INVS: variants seen among roughly 807,000 people sequenced by gnomAD.
The protein encoded by INVS is inversion of embryo turning homolog.
Under a neutral mutation model 108.8 loss-of-function variants are expected in INVS, and 86 were observed. The ratio of observed to expected loss-of-function variants is 0.79; its 90% CI spans 0.66 to 0.95. The LOEUF is 0.95. INVS is among the 40% of genes least tolerant of loss of function. The probability of loss-of-function intolerance (pLI) is 0.00; values close to 1 mark genes in which losing one functional copy is unlikely to be tolerated. For missense variants in INVS, 1,169 were observed against 1,297.4 expected, an observed-to-expected ratio of 0.90 and a Z score of 1.52; for synonymous variants, 455 against 473.5, an observed-to-expected ratio of 0.96 and a Z score of 0.51.
chr9:100,159,509 T>G (rs568691196), intron 3 of INVS, among the ~76,000 whole-genome samples: 1 of 152,316 alleles, frequency 6.6e-6, no homozygotes, highest in South Asian at 2.1e-4. Context: ...CACAAAGCTA[T>G]TCCTGGAACA....
chr9:100,162,144 A>G (rs1331740306), intron 3 of INVS, among the ~76,000 whole-genome samples: 1 of 152,240 alleles, frequency 6.6e-6, no homozygotes, highest in African/African-American at 2.4e-5. Context: ...ACTAGAGTTC[A>G]GAAATGCAGT....
chr9:100,194,770 T>A (rs939652040), intron 3 of INVS, among the ~76,000 whole-genome samples: 3 of 152,182 alleles, frequency 2.0e-5, no homozygotes, highest in Non-Finnish European at 2.9e-5. Context: ...AGCTACTACC[T>A]CTGAGGCTTA....
At chr9:100,263,247 T>G (rs921214947) in intron 10 of INVS, among the ~76,000 whole-genome samples, 9 of 152,206 alleles carry the variant, frequency 5.9e-5, no homozygotes, top group African/African-American at 1.9e-4. Flanking sequence ...GTATTGCTGC[T>G]GTAACAAATT....
intron 14 of INVS, among the ~76,000 whole-genome samples, 182 bp downstream of exon 14, chr9:100,293,225 G>A (rs1162469208): frequency 6.6e-6 from 1 of 152,116 alleles, no homozygotes; most frequent in Non-Finnish European, 1.5e-5. Flanking sequence ...TAAACCATTT[G>A]GAAGATGTTT....
chr9:100,300,996 A>C lies in INVS; in HGVS notation c.*322A>C. 3.1e-6 allele frequency: 1 copy of C among 319,218 alleles called. No individual in the cohort carries two copies. The highest frequency in any genetic ancestry group is 2.1e-5 in the African/African-American group (1 of 46,734). The allele number at this position is 319,218 out of a possible 1,614,324, so 19.8% of individuals were successfully genotyped here. A position where few individuals can be genotyped will look rare whatever the true frequency, so the allele number is the denominator to read the frequency against. ...ATAATTAACAGCAAAATCTAAGGAA[A>C]ACTACGGCTGCTGGGTTGGGATTTC... On this transcript the variant is annotated 3_prime_UTR_variant, in exon 17 of 17. Coordinates refer to ENST00000262457, the MANE Select transcript of INVS (RefSeq NM_014425.5).
intron 3 of INVS, among the ~76,000 whole-genome samples, chr9:100,131,063 G>A (rs975270687): frequency 6.6e-6 from 1 of 151,958 alleles, no homozygotes; most frequent in African/African-American, 2.4e-5. Context: ...TTCATTAGTG[G>A]GAAAAGCTCA....
At chr9:100,264,465 A>C (rs1165028311) in intron 10 of INVS, among the ~76,000 whole-genome samples, 2 of 152,038 alleles carry the variant, frequency 1.3e-5, no homozygotes, top group Non-Finnish European at 2.9e-5. Context: ...TAAAAATACA[A>C]AAATTAGCTG....
At chr9:100,240,794 T>C (rs73655140) in intron 6 of INVS, among the ~76,000 whole-genome samples, 2,065 of 152,224 alleles carry the variant, frequency 0.014, 36 homozygotes, top group African/African-American at 0.048. Flanking sequence ...GGTCTTTTTT[T>C]TTCCTGCTAT....
At chr9:100,105,609 A>G (rs1260604381) in intron 2 of INVS, among the ~76,000 whole-genome samples, 1 of 152,240 alleles carries the variant, frequency 6.6e-6, no homozygotes, top group East Asian at 1.9e-4. Context: ...AGCTATCTAC[A>G]TTCACTGGAA....
In INVS at chr9:100,229,641, G is replaced by T. The variant is rs760646531; in HGVS notation, c.448-19G>T. On this transcript the variant is annotated intron_variant, in intron 4 of 16. Transcript: ENST00000262457. ...TTAGTTGTTACTGTTGTTATTTCGA[G>T]AACCTCTCGATTTTGCAGCAAACAG... The T allele has an allele frequency of 3.7e-6, 6 of 1,612,874 alleles. No homozygotes were observed. The highest frequency in any genetic ancestry group is 3.3e-5 in the Admixed American group (2 of 59,982).
At chr9:100,215,646 T>C (rs1291363833) in intron 3 of INVS, among the ~76,000 whole-genome samples, 1 of 152,212 alleles carries the variant, frequency 6.6e-6, no homozygotes, top group Admixed American at 6.5e-5. Context: ...GGTCAGACTA[T>C]AGAAGGTCTA....
chr9:100,216,088 C>T (rs1830976737), intron 3 of INVS, among the ~76,000 whole-genome samples: 2 of 152,126 alleles, frequency 1.3e-5, no homozygotes, highest in East Asian at 1.9e-4. Flanking sequence ...CTTACTGTTA[C>T]TGTGGGTATC....
intron 10 of INVS, among the ~76,000 whole-genome samples, chr9:100,263,521 T>TCTTACA (rs1177565650): frequency 6.6e-6 from 1 of 152,192 alleles, no homozygotes; most frequent in East Asian, 1.9e-4. Flanking sequence ...TCTGTATAAT[T>TCTTACA]CTTACACTCA....
intron 3 of INVS, among the ~76,000 whole-genome samples, chr9:100,172,192 T>C (rs533666693): frequency 6.6e-6 from 1 of 152,146 alleles, no homozygotes; most frequent in African/African-American, 2.4e-5. Flanking sequence ...AAGAATAACA[T>C]TGGACCCTTA....
chr9:100,150,671 T>C (rs1828780782), intron 3 of INVS, among the ~76,000 whole-genome samples: 1 of 152,224 alleles, frequency 6.6e-6, no homozygotes, highest in Non-Finnish European at 1.5e-5. Flanking sequence ...TAATTTCCTC[T>C]TCTTGTTTTT....
In INVS at chr9:100,126,649, T is replaced by C. The variant is rs920667050; in HGVS notation, c.273+100T>C. On this transcript the variant is annotated intron_variant, in intron 3 of 16. Coordinates refer to ENST00000262457, the MANE Select transcript of INVS (RefSeq NM_014425.5). ...GGACAGATAATAAAGAAGTCTCAAA[T>C]GCATGACTCATAGGTTTTATATATT... 3 of 1,109,376 alleles carry C rather than the reference T, an allele frequency of 2.7e-6. No homozygotes were observed. In the African/African-American group the frequency reaches 4.6e-5, roughly 17 times the overall value. 68.7% of individuals were successfully genotyped at this position (1,109,376 alleles called of 1,614,324 possible).
chr9:100,237,870 TTTTG>T (rs1831740309), intron 5 of INVS, among the ~76,000 whole-genome samples: 1 of 150,050 alleles, frequency 6.7e-6, no homozygotes, highest in Non-Finnish European at 1.5e-5. Context: ...CTCTCTGGTT[TTTTG>T]TTTGTTTGGT....
chr9:100,107,841 C>T (rs959553095), intron 2 of INVS, among the ~76,000 whole-genome samples: 1 of 152,140 alleles, frequency 6.6e-6, no homozygotes, highest in Non-Finnish European at 1.5e-5. Context: ...TTTAATTCAT[C>T]ACTAAATCCA....
chr9:100,237,746 C>T (rs918452771), intron 5 of INVS, among the ~76,000 whole-genome samples: 1 of 152,158 alleles, frequency 6.6e-6, no homozygotes, highest in African/African-American at 2.4e-5. Flanking sequence ...GCAGAAATCA[C>T]TCACCTTCTG....
Sources: allele counts gnomAD v4.1 joint callset (sites outside exome capture counted in the v4.1 genomes callset), GRCh38; gene constraint gnomAD v4.1.1; transcripts MANE v1.5; gene names NCBI Gene and HGNC (gene_info 2026-07-23, HGNC 2026-07-21).